Variants in GPRIN2 observed in about 807,000 individuals in gnomAD.
GPRIN2 encodes G protein-regulated inducer of neurite outgrowth 2.
Under a neutral mutation model 0.3 loss-of-function variants are expected in GPRIN2, and 1 was observed. The ratio of observed to expected loss-of-function variants is 3.90; its 90% CI spans 1.39 to 18.51. The LOEUF is 18.51. Among genes scored for constraint, GPRIN2 ranks in the 30% most tolerant of loss-of-function variants. The pLI, the probability that GPRIN2 is intolerant of heterozygous loss-of-function variation, is 0.11. For synonymous variants in GPRIN2, 361 were observed against 258.6 expected (o/e 1.40, Z -3.80); for missense variants, 880 against 604.2 (o/e 1.46, Z -4.79).
In GPRIN2 at chr10:46,550,295, T is replaced by C. The variant is rs1407644038; in HGVS notation, c.442A>G (p.Ser148Gly). 13 of 1,613,060 alleles carry C rather than the reference T, an allele frequency of 8.1e-6. No homozygotes were observed. Among genetic ancestry groups the C allele is most frequent in the Non-Finnish European group, 1.1e-5 (13 of 1,179,876 alleles). Residue 148 changes from serine (S) to glycine (G), a missense_variant, in exon 3 of 3, where the codon AGC becomes GGC. Coordinates refer to ENST00000374314, the MANE Select transcript of GPRIN2 (RefSeq NM_001385282.1). ...KASLSCSALGSSPVHRAQLQP... is the reference protein window; with the variant it reads ...KASLSCSALGGSPVHRAQLQP... ...AGCTGAGCCCTGTGGACAGGGCTGC[T>C]GCCAAGGGCTGAGCAGCTGAGACTG...
intron 2 of GPRIN2, among the ~76,000 whole-genome samples, chr10:46,552,020 C>T (rs1842670764): frequency 6.6e-6 from 1 of 152,310 alleles, no homozygotes; most frequent in Non-Finnish European, 1.5e-5. Flanking sequence ...AGAGAACAAG[C>T]AAATACAAGA....
chr10:46,553,248 G>A (rs1832058235), intron 2 of GPRIN2, among the ~76,000 whole-genome samples: 2 of 152,304 alleles, frequency 1.3e-5, no homozygotes, highest in African/African-American at 4.8e-5. Flanking sequence ...ATCTGGCCTG[G>A]CCCTGCCAAT....
chr10:46,542,737 G>C lies in GPRIN2; in HGVS notation c.*6623C>G, dbSNP rs1841853345. On this transcript the variant is annotated 3_prime_UTR_variant, in exon 3 of 3. Coordinates refer to ENST00000374314, the MANE Select transcript of GPRIN2 (RefSeq NM_001385282.1). ...TCTCCTCCTCCAGTCCCTAGCCTTGGCTCTTGGACACGAATCCAGTTCCTG... is the reference window on the plus strand; with the variant it reads ...TCTCCTCCTCCAGTCCCTAGCCTTGCCTCTTGGACACGAATCCAGTTCCTG... Among the ~76,000 whole-genome samples, 1 of 152,306 alleles carries C rather than the reference G, an allele frequency of 6.6e-6. No homozygotes were observed. The highest frequency in any genetic ancestry group is 1.5e-5 in the Non-Finnish European group (1 of 68,054).
At position 46,544,045 on chromosome 10, in the gene GPRIN2, C is replaced by T; in HGVS notation, c.*5315G>A. On this transcript the variant is annotated 3_prime_UTR_variant, in exon 3 of 3. Coordinates refer to ENST00000374314, the MANE Select transcript of GPRIN2 (RefSeq NM_001385282.1). The stretch of plus-strand genomic sequence containing the variant: ...GTGTAGCCACAGCAACAGAACTGGC[C>T]CCATGTCTCTCAATCAGGGAGGTCC... Among the ~76,000 whole-genome samples, 1 of 152,298 alleles carries T rather than the reference C, an allele frequency of 6.6e-6. No individual in the cohort carries two copies. Among genetic ancestry groups the T allele is most frequent in the Non-Finnish European group, 1.5e-5 (1 of 68,056 alleles).
chr10:46,549,141 G>T lies in GPRIN2; in HGVS notation c.*219C>A. The T allele has an allele frequency of 1.8e-6, 1 of 552,254 alleles. No homozygotes were observed. Among genetic ancestry groups the T allele is most frequent in the South Asian group, 4.4e-5 (1 of 22,944 alleles). 34.2% of individuals were successfully genotyped at this position (552,254 alleles called of 1,614,324 possible). A position where few individuals can be genotyped will look rare whatever the true frequency, so the allele number is the denominator to read the frequency against. On this transcript the variant is annotated 3_prime_UTR_variant, in exon 3 of 3. Transcript: ENST00000374314. ...CAAAGTTCAGAGCCCGGAAGGTGCA[G>T]AGATGTGGCCCTTGGAAATCAAGCC...
Position 46,549,846 on chromosome 10 carries a change from C to T in GPRIN2, c.891G>A (p.Trp297Ter), listed in dbSNP as rs1273381739. Residue 297 changes from tryptophan (W) to a stop codon, truncating the protein, a stop_gained, in exon 3 of 3, where the codon TGG becomes TGA. Transcript: ENST00000374314. LOFTEE classifies it low-confidence loss of function (END_TRUNC). ...GCTCTGGGACTAACCCAGCGGGACCCCAAAGGTGGGCACAGCAATGGGAAT... is the reference window on the plus strand; with the variant it reads ...GCTCTGGGACTAACCCAGCGGGACCTCAAAGGTGGGCACAGCAATGGGAAT... ...PGHSHCCAHL[W>*]GPAGLVPEPG... 1.2e-6 allele frequency: 2 copies of T among 1,614,144 alleles called. No homozygotes were observed. The highest frequency in any genetic ancestry group is 1.7e-5 in the Admixed American group (1 of 60,018).
chr10:46,557,086 C>G (rs1261666685), upstream of GPRIN2, among the ~76,000 whole-genome samples: 1 of 152,176 alleles, frequency 6.6e-6, no homozygotes. Context: ...TCCGCGCCGG[C>G]GGCTACCCCT....
Position 46,542,609 on chromosome 10 carries a change from CTG to C in GPRIN2, c.*6749_*6750del, listed in dbSNP as rs1833059577. Among the ~76,000 whole-genome samples the C allele has an allele frequency of 7.0e-3, 1,058 of 151,656 alleles. No individual in the cohort carries two copies. The highest frequency in any genetic ancestry group is 0.025 in the African/African-American group (1,011 of 40,894). On this transcript the variant is annotated 3_prime_UTR_variant, in exon 3 of 3. Transcript: ENST00000374314. ...CTGAGGCTCCCCGGGCCACGTGGAACTGTGAGTCAATTAAACCTCTTTCCTTT... is the reference window on the plus strand; with the variant it reads ...CTGAGGCTCCCCGGGCCACGTGGAACTGAGTCAATTAAACCTCTTTCCTTT...
intron 2 of GPRIN2, chr10:46,551,267 T>C (rs1026145960): frequency 2.3e-6 from 1 of 432,574 alleles, no homozygotes; most frequent in Admixed American, 6.4e-5. Flanking sequence ...GTCTCCTTGG[T>C]ACAGAGTGGG....
rs1174140169 is a variant in GPRIN2 at position 46,547,317 on chromosome 10, C to A, written c.*2043G>T. On this transcript the variant is annotated 3_prime_UTR_variant, in exon 3 of 3. Coordinates refer to ENST00000374314, the MANE Select transcript of GPRIN2 (RefSeq NM_001385282.1). ...TCACCTGGCACATCTCCACTGGAAG[C>A]CAAATGGATATTTCTAAACTGAAAT... Among the ~76,000 whole-genome samples, 2 of 152,430 alleles carry A rather than the reference C, an allele frequency of 1.3e-5. No homozygotes were observed. Among genetic ancestry groups the A allele is most frequent in the Admixed American group, 6.5e-5 (1 of 15,314 alleles).
rs1842091170 is a variant in GPRIN2 at position 46,545,666 on chromosome 10, A to C, written c.*3694T>G. Among the ~76,000 whole-genome samples the C allele has an allele frequency of 6.6e-6, 1 of 152,310 alleles. No individual in the cohort carries two copies. Among genetic ancestry groups the C allele is most frequent in the Non-Finnish European group, 1.5e-5 (1 of 68,058 alleles). On this transcript the variant is annotated 3_prime_UTR_variant, in exon 3 of 3. Coordinates refer to ENST00000374314, the MANE Select transcript of GPRIN2 (RefSeq NM_001385282.1). ...GGCTCTGAACAAGGGACTTTTAAGGAAGTGGGATGTGGGCTGTGATCACAG... is the reference window on the plus strand; with the variant it reads ...GGCTCTGAACAAGGGACTTTTAAGGCAGTGGGATGTGGGCTGTGATCACAG...
chr10:46,554,037 T>A (rs1472329598), intron 2 of GPRIN2, among the ~76,000 whole-genome samples: 2 of 152,296 alleles, frequency 1.3e-5, no homozygotes, highest in African/African-American at 4.8e-5. Flanking sequence ...GGTGGACCCC[T>A]AACTTCTTTG....
chr10:46,553,483 A>G (rs1487207613), intron 2 of GPRIN2, among the ~76,000 whole-genome samples: 1 of 152,290 alleles, frequency 6.6e-6, no homozygotes, highest in Non-Finnish European at 1.5e-5. Context: ...CTCTGGCCAA[A>G]CCCCACCACC....
chr10:46,549,211 G>C lies in GPRIN2; in HGVS notation c.*149C>G, dbSNP rs1832761157. ...TGTGTAGGGCCGGAAGCCCCAGGCT[G>C]CAGTCCTGTGGTCTGGAGGCAGCCA... On this transcript the variant is annotated 3_prime_UTR_variant, in exon 3 of 3. Coordinates refer to ENST00000374314, the MANE Select transcript of GPRIN2 (RefSeq NM_001385282.1). The C allele has an allele frequency of 1.4e-4, 144 of 1,063,748 alleles. No homozygotes were observed. The African/African-American group carries it at 2.2e-3, about 16-fold the overall frequency. 65.9% of individuals were successfully genotyped at this position (1,063,748 alleles called of 1,614,324 possible).
At position 46,543,363 on chromosome 10, in the gene GPRIN2, G is replaced by A. The variant is rs1588949138; in HGVS notation, c.*5997C>T. On this transcript the variant is annotated 3_prime_UTR_variant, in exon 3 of 3. Transcript: ENST00000374314. ...GACAGTGGGGAGGCAGACAGGTTCT[G>A]AATAACCCAGAACAAAGAGAACATG... 6.6e-6 allele frequency among the ~76,000 whole-genome samples: 1 copy of A among 152,424 alleles called. No individual in the cohort carries two copies. The highest frequency in any genetic ancestry group is 2.1e-4 in the South Asian group (1 of 4,834).
rs886605115 is a variant in GPRIN2 at position 46,546,199 on chromosome 10, A to T, written c.*3161T>A. On this transcript the variant is annotated 3_prime_UTR_variant, in exon 3 of 3. Coordinates refer to ENST00000374314, the MANE Select transcript of GPRIN2 (RefSeq NM_001385282.1). ...GACAGTGATGGCAGCCTGGGGCCAG[A>T]CAAGGGATGCGTGTCTTGTGTCCTG... Among the ~76,000 whole-genome samples, 1 of 152,304 alleles carries T rather than the reference A, an allele frequency of 6.6e-6. No homozygotes were observed. Among genetic ancestry groups the T allele is most frequent in the Admixed American group, 6.5e-5 (1 of 15,294 alleles).
In GPRIN2 at chr10:46,549,302, T is replaced by C. The variant is rs1842438526; in HGVS notation, c.*58A>G. 1 of 1,443,876 alleles carries C rather than the reference T, an allele frequency of 6.9e-7. No individual in the cohort carries two copies. The highest frequency in any genetic ancestry group is 9.1e-7 in the Non-Finnish European group (1 of 1,097,390). 89.4% of individuals were successfully genotyped at this position (1,443,876 alleles called of 1,614,324 possible). Reference sequence around the variant, plus strand: ...GGGGGCACGGAGCCCCCACCGTCCCTGGCCCAGGTCTAGGACTAAGTCAGT... The same window carrying C: ...GGGGGCACGGAGCCCCCACCGTCCCCGGCCCAGGTCTAGGACTAAGTCAGT... On this transcript the variant is annotated 3_prime_UTR_variant, in exon 3 of 3. Coordinates refer to ENST00000374314, the MANE Select transcript of GPRIN2 (RefSeq NM_001385282.1).
At position 46,543,451 on chromosome 10, in the gene GPRIN2, C is replaced by T. The variant is rs1156975844; in HGVS notation, c.*5909G>A. Among the ~76,000 whole-genome samples the T allele has an allele frequency of 2.6e-5, 4 of 152,306 alleles. No homozygotes were observed. The highest frequency in any genetic ancestry group is 6.5e-5 in the Admixed American group (1 of 15,294). On this transcript the variant is annotated 3_prime_UTR_variant, in exon 3 of 3. Transcript: ENST00000374314. ...GATGGGGATGACAGAGCACCCAGGGCAGCGGGTGCAGGACCAGCAGAGGTC... is the reference window on the plus strand; with the variant it reads ...GATGGGGATGACAGAGCACCCAGGGTAGCGGGTGCAGGACCAGCAGAGGTC...
At position 46,554,636 on chromosome 10, in the gene GPRIN2, G is replaced by A. The variant is rs1280941771; in HGVS notation, c.-58C>T. 2.6e-5 allele frequency: 4 copies of A among 154,104 alleles called. No homozygotes were observed. The highest frequency in any genetic ancestry group is 1.3e-4 in the Admixed American group (2 of 15,312). The allele number at this position is 154,104 out of a possible 1,614,324, so 9.5% of individuals were successfully genotyped here. A position where few individuals can be genotyped will look rare whatever the true frequency, so the allele number is the denominator to read the frequency against. ...TGATGCCGAAGTTGCTATGGTTGTG[G>A]CCGATGTCCCGTGGCCAATGCCAGG... On this transcript the variant is annotated 5_prime_UTR_variant, in exon 2 of 3. Coordinates refer to ENST00000374314, the MANE Select transcript of GPRIN2 (RefSeq NM_001385282.1).
Sources: allele counts gnomAD v4.1 joint callset (sites outside exome capture counted in the v4.1 genomes callset), GRCh38; gene constraint gnomAD v4.1.1; transcripts MANE v1.5; gene names NCBI Gene and HGNC (gene_info 2026-07-23, HGNC 2026-07-21).